Variants in MAML2 observed in about 807,000 individuals in gnomAD.
MAML2 encodes mastermind like transcriptional coactivator 2, also known as mastermind-like protein 2.
Under a neutral mutation model 96.1 loss-of-function variants are expected in MAML2, and 22 were observed. The observed-to-expected ratio is 0.23, with a 90% CI of 0.16 to 0.33. MAML2 has a LOEUF of 0.33. Among genes scored for constraint, MAML2 ranks in the 10% least tolerant of loss-of-function variants. MAML2 has a pLI of 1.00. For synonymous variants in MAML2, 561 were observed against 521.3 expected, an observed-to-expected ratio of 1.08 and a Z score of -1.04; for missense variants, 1,367 against 1,392.4, an observed-to-expected ratio of 0.98 and a Z score of 0.29.
chr11:96,043,461 G>C (rs1296713977), intron 2 of MAML2, among the ~76,000 whole-genome samples: 1 of 152,196 alleles, frequency 6.6e-6, no homozygotes, highest in Non-Finnish European at 1.5e-5. Context: ...AGAGCTACAA[G>C]GGCTGCCAAA....
At chr11:95,998,126 G>A (rs561956340) in intron 2 of MAML2, among the ~76,000 whole-genome samples, 3 of 130,346 alleles carry the variant, frequency 2.3e-5, no homozygotes, top group African/African-American at 6.5e-5. Context: ...CTATCTATCT[G>A]TCTGTCTGTC....
chr11:96,139,601 T>G (rs2135864733), intron 1 of MAML2, among the ~76,000 whole-genome samples: 1 of 152,118 alleles, frequency 6.6e-6, no homozygotes, highest in African/African-American at 2.4e-5. Context: ...GTTAAATTCT[T>G]TACCAAGAAT....
intron 2 of MAML2, among the ~76,000 whole-genome samples, chr11:96,047,701 G>T (rs944719385): frequency 2.6e-5 from 4 of 151,954 alleles, no homozygotes; most frequent in Admixed American, 6.6e-5. Context: ...ACGAAGTCAC[G>T]AGCTCGAGAC....
At chr11:96,333,087 A>G (rs1863874543) in intron 1 of MAML2, among the ~76,000 whole-genome samples, 1 of 152,220 alleles carries the variant, frequency 6.6e-6, no homozygotes, top group South Asian at 2.1e-4. Flanking sequence ...TGAGGCATTT[A>G]AGGTGTTGGG....
At chr11:96,119,019 TA>T (rs1448918789) in intron 1 of MAML2, among the ~76,000 whole-genome samples, 5 of 152,194 alleles carry the variant, frequency 3.3e-5, no homozygotes, top group Non-Finnish European at 7.3e-5. Flanking sequence ...TATTGACTCT[TA>T]CCATTTGTAA....
At chr11:96,328,359 C>T (rs1362555900) in intron 1 of MAML2, among the ~76,000 whole-genome samples, 1 of 152,042 alleles carries the variant, frequency 6.6e-6, no homozygotes, top group Non-Finnish European at 1.5e-5. Context: ...AAAAATGTCA[C>T]TATCTTTATG....
At chr11:96,041,959 C>T (rs995374735) in intron 2 of MAML2, among the ~76,000 whole-genome samples, 62 of 149,912 alleles carry the variant, frequency 4.1e-4, no homozygotes, top group African/African-American at 1.5e-3. Context: ...CAGGCATATG[C>T]CACCACGCCC....
chr11:96,110,793 A>G (rs767814166), intron 1 of MAML2, among the ~76,000 whole-genome samples: 6 of 152,240 alleles, frequency 3.9e-5, no homozygotes, highest in African/African-American at 9.6e-5. Context: ...TTGGCAGCAT[A>G]TATTTTCAGG....
At position 95,979,504 on chromosome 11, in the gene MAML2, G is replaced by A; in HGVS notation, c.2915C>T (p.Thr972Ile). ...TAPNWASQEG[T>I]SKQQEALTSA... ...CGTCAGGGCTTCTTGCTGTTTGCTTGTTCCTTCTTGAGAGGCCCAGTTTGG... is the reference window on the plus strand; with the variant it reads ...CGTCAGGGCTTCTTGCTGTTTGCTTATTCCTTCTTGAGAGGCCCAGTTTGG... The change falls in exon 5 of 5, where the codon ACA becomes ATA. Residue 972 changes from threonine to isoleucine, a missense_variant. Thr to Ile is a moderately conservative substitution (Grantham distance 89). Transcript: ENST00000524717. The A allele has an allele frequency of 1.2e-6, 2 of 1,613,688 alleles. No individual in the cohort carries two copies. Among genetic ancestry groups the A allele is most frequent in the Non-Finnish European group, 1.7e-6 (2 of 1,179,778 alleles).
chr11:96,021,536 C>A (rs927771810), intron 2 of MAML2, among the ~76,000 whole-genome samples: 4 of 152,118 alleles, frequency 2.6e-5, no homozygotes, highest in Non-Finnish European at 5.9e-5. Context: ...TTAGCTCAAG[C>A]CAGTGAGTTG....
chr11:96,093,547 A>T (rs1859773705), intron 1 of MAML2, 30 bp from the exon 2 acceptor site: 1 of 1,415,886 alleles, frequency 7.1e-7, no homozygotes, highest in African/African-American at 1.4e-5. Flanking sequence ...AAAAAGGAAA[A>T]ATAAGAAATA....
intron 1 of MAML2, among the ~76,000 whole-genome samples, chr11:96,159,906 C>T (rs971355417): frequency 2.0e-5 from 3 of 152,144 alleles, no homozygotes; most frequent in Non-Finnish European, 2.9e-5. Context: ...AACTCCTAAC[C>T]CACTGCCTCT....
intron 2 of MAML2, among the ~76,000 whole-genome samples, chr11:96,015,153 G>A (rs1225076294): frequency 6.6e-6 from 1 of 152,096 alleles, no homozygotes; most frequent in African/African-American, 2.4e-5. Flanking sequence ...TATCCGAAAA[G>A]AAATAATACA....
At chr11:96,155,480 A>C (rs1860994216) in intron 1 of MAML2, among the ~76,000 whole-genome samples, 1 of 130,356 alleles carries the variant, frequency 7.7e-6, no homozygotes, top group South Asian at 2.5e-4. Context: ...AAACAATACT[A>C]CCCACCTCAT....
chr11:96,064,437 G>GT (rs1323275637), intron 2 of MAML2, among the ~76,000 whole-genome samples: 1 of 152,198 alleles, frequency 6.6e-6, no homozygotes, highest in Non-Finnish European at 1.5e-5. Flanking sequence ...ATTTATGTAA[G>GT]TTATTCTGAT....
At chr11:96,119,052 T>C (rs1185579560) in intron 1 of MAML2, among the ~76,000 whole-genome samples, 1 of 152,212 alleles carries the variant, frequency 6.6e-6, no homozygotes, top group African/African-American at 2.4e-5. Context: ...TGTCCATTAC[T>C]GCATTTGATT....
chr11:96,093,938 G>A (rs899285002), intron 1 of MAML2, among the ~76,000 whole-genome samples: 1 of 152,100 alleles, frequency 6.6e-6, no homozygotes, highest in African/African-American at 2.4e-5. Context: ...ACAATTTTAA[G>A]CAAGATAGAA....
At chr11:96,122,497 G>GGGGT (rs888521931) in intron 1 of MAML2, among the ~76,000 whole-genome samples, 75 of 135,774 alleles carry the variant, frequency 5.5e-4, no homozygotes, top group East Asian at 4.0e-3. Context: ...TTTTAGGCTG[G>GGGGT]GTGTGTGTGT....
rs1227614665 is a variant in MAML2, at chr11:96,272,153, C to T, written c.513+69230G>A. ...ACTTATTTTATACCACAACACGTGCCACCATCCAACATCCTATGCATTGTA... is the reference window on the plus strand; with the variant it reads ...ACTTATTTTATACCACAACACGTGCTACCATCCAACATCCTATGCATTGTA... On this transcript the variant is annotated intron_variant, in intron 1 of 4. Coordinates refer to ENST00000524717, the MANE Select transcript of MAML2 (RefSeq NM_032427.4). 3.3e-5 allele frequency among the ~76,000 whole-genome samples: 5 copies of T among 151,962 alleles called. No individual in the cohort carries two copies. The South Asian group carries it at 6.2e-4, about 19-fold the overall frequency.
Sources: allele counts gnomAD v4.1 joint callset (sites outside exome capture counted in the v4.1 genomes callset), GRCh38; gene constraint gnomAD v4.1.1; transcripts MANE v1.5; gene names NCBI Gene and HGNC (gene_info 2026-07-23, HGNC 2026-07-21).